LINGO2: variants seen among roughly 807,000 people sequenced by gnomAD.
LINGO2 encodes leucine-rich repeat and immunoglobulin-like domain-containing nogo receptor-interacting protein 2.
Under a neutral mutation model 30.6 loss-of-function variants are expected in LINGO2, and 14 were observed. The ratio of observed to expected loss-of-function variants is 0.46; its 90% CI spans 0.30 to 0.72. The LOEUF is 0.72. LINGO2 is among the 30% of genes least tolerant of loss of function. The pLI, the probability that LINGO2 is intolerant of heterozygous loss-of-function variation, is 0.07. For synonymous variants in LINGO2, 317 were observed against 288.5 expected (o/e 1.10, Z -1.00); for missense variants, 729 against 751.7 (o/e 0.97, Z 0.35).
chr9:28,120,215 C>A (rs1007155054), intron 4 of LINGO2, among the ~76,000 whole-genome samples: 1 of 152,128 alleles, frequency 6.6e-6, no homozygotes, highest in Non-Finnish European at 1.5e-5. Context: ...TTGGGAAAAC[C>A]AATCTAAGGT....
the LINGO2 span, among the ~76,000 whole-genome samples, chr9:28,881,884 T>TA: frequency 1.3e-5 from 2 of 152,256 alleles, no homozygotes; most frequent in Admixed American, 6.5e-5. Flanking sequence ...AGCTTCCGCT[T>TA]ATAAGCGAGA....
intron 4 of LINGO2, among the ~76,000 whole-genome samples, chr9:28,150,053 G>A (rs1227657395): frequency 2.0e-5 from 3 of 151,178 alleles, no homozygotes; most frequent in African/African-American, 7.3e-5. Context: ...GGGAAATGAG[G>A]AGCGCCTCTG....
the LINGO2 span, among the ~76,000 whole-genome samples, chr9:28,876,407 C>T: frequency 6.7e-6 from 1 of 149,160 alleles, no homozygotes; most frequent in Non-Finnish European, 1.5e-5. Flanking sequence ...CCACTCCCCG[C>T]ACCCAACAAC....
At chr9:28,060,898 AG>A (rs1453814307) in intron 4 of LINGO2, among the ~76,000 whole-genome samples, 2 of 152,050 alleles carry the variant, frequency 1.3e-5, no homozygotes, top group Admixed American at 6.6e-5. Flanking sequence ...CTTTCTCTTC[AG>A]GGTTTACAGA....
intron 4 of LINGO2, among the ~76,000 whole-genome samples, chr9:28,117,681 C>A (rs1222268982): frequency 7.4e-6 from 1 of 135,608 alleles, no homozygotes. Context: ...TTTCCAGGTG[C>A]GTCCGTCACC....
the LINGO2 span, among the ~76,000 whole-genome samples, chr9:28,919,639 C>T: frequency 6.6e-6 from 1 of 152,068 alleles, no homozygotes; most frequent in Non-Finnish European, 1.5e-5. Context: ...CAGGCATGGA[C>T]ATTCTTTTAT....
chr9:28,662,754 C>T (rs899642363), intron 1 of LINGO2, among the ~76,000 whole-genome samples: 2 of 151,902 alleles, frequency 1.3e-5, no homozygotes, highest in African/African-American at 2.4e-5. Context: ...AAATAGTGCC[C>T]GGCACATGGC....
intron 1 of LINGO2, among the ~76,000 whole-genome samples, chr9:28,537,736 A>C (rs565365560): frequency 6.6e-6 from 1 of 152,158 alleles, no homozygotes; most frequent in East Asian, 1.9e-4. Flanking sequence ...TGTGTGTACC[A>C]TAGCAATTCT....
At chr9:27,951,770 TAAA>T (rs1819326101) in intron 5 of LINGO2, among the ~76,000 whole-genome samples, 2 of 152,124 alleles carry the variant, frequency 1.3e-5, no homozygotes, top group South Asian at 4.1e-4. Flanking sequence ...TACTTTTAGA[TAAA>T]GAAGTATTTC....
chr9:27,971,169 C>T (rs576537218), intron 5 of LINGO2, among the ~76,000 whole-genome samples: 8 of 151,862 alleles, frequency 5.3e-5, no homozygotes, highest in African/African-American at 1.9e-4. Flanking sequence ...ACATACTAAA[C>T]GTCACAATCT....
intron 1 of LINGO2, among the ~76,000 whole-genome samples, chr9:28,606,884 T>C (rs184218548): frequency 6.6e-6 from 1 of 152,198 alleles, no homozygotes; most frequent in East Asian, 1.9e-4. Context: ...TTAACTAGTT[T>C]GTTCTGACAA....
chr9:28,847,807 A>G, the LINGO2 span, among the ~76,000 whole-genome samples: 1 of 36,928 alleles, frequency 2.7e-5, no homozygotes, highest in Non-Finnish European at 6.1e-5. Flanking sequence ...TGTATAGTAT[A>G]TATGTATATA....
chr9:28,872,644 A>T, the LINGO2 span, among the ~76,000 whole-genome samples: 2 of 152,142 alleles, frequency 1.3e-5, no homozygotes, highest in Admixed American at 6.6e-5. Flanking sequence ...CAAACAACAC[A>T]TTTTCTGGCA....
At chr9:28,852,118 A>C in the LINGO2 span, among the ~76,000 whole-genome samples, 1 of 152,010 alleles carries the variant, frequency 6.6e-6, no homozygotes, top group African/African-American at 2.4e-5. Flanking sequence ...GGTAAAGAGC[A>C]TATGCTGGAT....
intron 2 of LINGO2, among the ~76,000 whole-genome samples, chr9:28,412,298 T>G (rs1480663944): frequency 6.6e-6 from 1 of 152,090 alleles, no homozygotes; most frequent in Admixed American, 6.6e-5. Context: ...TTTATGATTT[T>G]GAGCATCTTT....
chr9:28,591,991 T>C (rs1450971156), intron 1 of LINGO2, among the ~76,000 whole-genome samples: 1 of 152,056 alleles, frequency 6.6e-6, no homozygotes, highest in Admixed American at 6.6e-5. Context: ...TTTTGGATAT[T>C]ATGTGCCATA....
At chr9:28,104,630 G>C (rs1826527367) in intron 4 of LINGO2, among the ~76,000 whole-genome samples, 1 of 151,730 alleles carries the variant, frequency 6.6e-6, no homozygotes, top group South Asian at 2.1e-4. Flanking sequence ...CATTATTGTG[G>C]TGAAAATAAT....
At chr9:28,679,786 T>C in the LINGO2 span, among the ~76,000 whole-genome samples, 1 of 152,046 alleles carries the variant, frequency 6.6e-6, no homozygotes, top group Non-Finnish European at 1.5e-5. Flanking sequence ...TTTGGTCCTT[T>C]TTAAACATTT....
chr9:28,827,986 A>G, the LINGO2 span, among the ~76,000 whole-genome samples: 1 of 152,074 alleles, frequency 6.6e-6, no homozygotes, highest in Non-Finnish European at 1.5e-5. Context: ...TGTTATATGT[A>G]GACAATATCT....
Sources: gnomAD v4.1 joint callset for allele counts (sites outside exome capture counted in the v4.1 genomes callset) on GRCh38, gnomAD v4.1.1 for gene constraint, MANE v1.5 for transcripts, NCBI Gene and HGNC (gene_info 2026-07-23, HGNC 2026-07-21) for gene names.